CORO2B: variants seen among roughly 807,000 people sequenced by gnomAD.
CORO2B encodes the protein coronin 2B.
A neutral mutation model predicts 58.8 loss-of-function variants in CORO2B; 26 were observed. The ratio of observed to expected loss-of-function variants is 0.44; its 90% CI spans 0.32 to 0.61. The LOEUF is 0.61. Among genes scored for constraint, CORO2B ranks in the 20% least tolerant of loss-of-function variants. CORO2B has a pLI of 0.04. For missense variants in CORO2B, 460 were observed against 645.1 expected (o/e 0.71, Z 3.11); for synonymous variants, 242 against 253.8 (o/e 0.95, Z 0.44).
At chr15:68,647,703 G>A (rs200543108) in intron 2 of CORO2B, among the ~76,000 whole-genome samples, 99 of 66,412 alleles carry the variant, frequency 1.5e-3, no homozygotes, top group Middle Eastern at 0.023. Context: ...AAAAAAAAAA[G>A]AAAGAAAGAA....
intron 3 of CORO2B, among the ~76,000 whole-genome samples, chr15:68,708,584 G>A (rs180864672): frequency 3.3e-5 from 5 of 151,772 alleles, no homozygotes; most frequent in South Asian, 2.1e-4. Context: ...GGATGGTCTC[G>A]ATCTCCTGAC....
chr15:68,708,075 A>C (rs1373902862), intron 3 of CORO2B, among the ~76,000 whole-genome samples: 1 of 152,156 alleles, frequency 6.6e-6, no homozygotes, highest in Non-Finnish European at 1.5e-5. Context: ...AGTTTTTCGC[A>C]AGTGGGCTTT....
At chr15:68,637,374 C>G (rs893844) in intron 1 of CORO2B, among the ~76,000 whole-genome samples, 103,103 of 152,166 alleles carry the variant, frequency 0.68, 35,820 homozygotes, top group African/African-American at 0.83. Context: ...TGTGTGTCCA[C>G]CTTTCCCGGG....
rs75284722 is a variant in CORO2B at position 68,599,716 on chromosome 15, C to A, written c.15+20439C>A. 3.7e-3 allele frequency among the ~76,000 whole-genome samples: 568 copies of A among 152,332 alleles called. 3 individuals are homozygous for A. The highest frequency in any genetic ancestry group is 6.4e-3 in the Non-Finnish European group (434 of 68,026). On this transcript the variant is annotated intron_variant, in intron 1 of 11. Coordinates refer to ENST00000261861, the MANE Select transcript of CORO2B (RefSeq NM_006091.5). ...CCCAAGAGAGGCAGTGCCCTGGTGACCTCATGACAGTAGTGTGCCCTCCCC... is the reference window on the plus strand; with the variant it reads ...CCCAAGAGAGGCAGTGCCCTGGTGAACTCATGACAGTAGTGTGCCCTCCCC...
At chr15:68,545,062 C>G in the CORO2B span, among the ~76,000 whole-genome samples, 1 of 152,144 alleles carries the variant, frequency 6.6e-6, no homozygotes, top group Non-Finnish European at 1.5e-5. Flanking sequence ...GCTTGAGCCA[C>G]CACGCCCGGC....
At chr15:68,547,804 T>G in the CORO2B span, among the ~76,000 whole-genome samples, 1 of 152,220 alleles carries the variant, frequency 6.6e-6, no homozygotes, top group African/African-American at 2.4e-5. Context: ...CCATAAATAT[T>G]AAATACTATT....
At chr15:68,621,864 C>G (rs7176791) in intron 1 of CORO2B, among the ~76,000 whole-genome samples, 6,606 of 151,758 alleles carry the variant, frequency 0.044, 463 homozygotes, top group African/African-American at 0.15. Context: ...TCAAGTGATC[C>G]TCCCACCTCA....
chr15:68,554,228 A>G, the CORO2B span, among the ~76,000 whole-genome samples: 1 of 152,036 alleles, frequency 6.6e-6, no homozygotes, highest in Non-Finnish European at 1.5e-5. Context: ...TGGGGAGGTG[A>G]GCAGCTGAAA....
upstream of CORO2B, among the ~76,000 whole-genome samples, chr15:68,576,944 A>G (rs1262430374): frequency 6.6e-6 from 1 of 152,190 alleles, no homozygotes; most frequent in Non-Finnish European, 1.5e-5. Flanking sequence ...ACTAAATGCA[A>G]CAGGGAGAGC....
At chr15:68,699,490 C>T (rs551675309) in intron 3 of CORO2B, among the ~76,000 whole-genome samples, 15 of 151,998 alleles carry the variant, frequency 9.9e-5, no homozygotes, top group South Asian at 2.1e-4. Flanking sequence ...GGAAGGGACA[C>T]GGGCTTGGGG....
At chr15:68,711,464 G>A in intron 4 of CORO2B, 78 bp from the exon 5 acceptor site, 1 of 1,360,636 alleles carries the variant, frequency 7.3e-7, no homozygotes, top group Non-Finnish European at 1.0e-6. Flanking sequence ...TCCCAGGGCA[G>A]TCAAGTGTGC....
chr15:68,560,024 GC>G, the CORO2B span, among the ~76,000 whole-genome samples: 1 of 152,210 alleles, frequency 6.6e-6, no homozygotes, highest in Non-Finnish European at 1.5e-5. Context: ...CCAAGTCTCT[GC>G]CAGCCCAGCA....
chr15:68,550,533 T>C, the CORO2B span, among the ~76,000 whole-genome samples: 4 of 152,140 alleles, frequency 2.6e-5, no homozygotes, highest in South Asian at 6.2e-4. Context: ...TCTCTTATGG[T>C]CGATTGTAAA....
intron 1 of CORO2B, among the ~76,000 whole-genome samples, chr15:68,626,628 G>A (rs983154614): frequency 7.2e-5 from 11 of 152,176 alleles, no homozygotes; most frequent in African/African-American, 1.7e-4. Context: ...GAGTCTTCCC[G>A]GGAATCACTG....
the CORO2B span, among the ~76,000 whole-genome samples, chr15:68,539,130 A>T: frequency 6.6e-6 from 1 of 152,334 alleles, no homozygotes; most frequent in South Asian, 2.1e-4. Flanking sequence ...GGCTAGCCAC[A>T]AGACAGCAGA....
At chr15:68,558,669 C>T in the CORO2B span, among the ~76,000 whole-genome samples, 2 of 152,210 alleles carry the variant, frequency 1.3e-5, no homozygotes, top group African/African-American at 2.4e-5. Flanking sequence ...AGCCACCGCA[C>T]TGGCCTCTCT....
At chr15:68,674,211 TCCTGCTTGG>T (rs1902497294) in intron 2 of CORO2B, among the ~76,000 whole-genome samples, 1 of 152,178 alleles carries the variant, frequency 6.6e-6, no homozygotes, top group African/African-American at 2.4e-5. Flanking sequence ...AGCACAGCTT[TCCTGCTTGG>T]CCACGATGCT....
chr15:68,573,465 G>A, the CORO2B span, among the ~76,000 whole-genome samples: 1 of 152,108 alleles, frequency 6.6e-6, no homozygotes, highest in Non-Finnish European at 1.5e-5. Context: ...AGAGAGGTGC[G>A]CCTCTGCCAG....
At chr15:68,579,352 G>A in intron 1 of CORO2B, 75 bp downstream of exon 1, 3 of 1,221,550 alleles carry the variant, frequency 2.5e-6, no homozygotes, top group Non-Finnish European at 3.1e-6. Context: ...GGGGGGCGCG[G>A]GGGTGTGGGT....
Sources: gnomAD v4.1 joint callset for allele counts (sites outside exome capture counted in the v4.1 genomes callset) on GRCh38, gnomAD v4.1.1 for gene constraint, MANE v1.5 for transcripts, NCBI Gene and HGNC (gene_info 2026-07-23, HGNC 2026-07-21) for gene names.